STX6: variants seen among roughly 807,000 people sequenced by gnomAD.
STX6 encodes the protein syntaxin 6.
Under a neutral mutation model 38.0 loss-of-function variants are expected in STX6, and 23 were observed. The ratio of observed to expected loss-of-function variants is 0.60; its 90% CI spans 0.43 to 0.86. The LOEUF (loss-of-function observed/expected upper bound fraction) is 0.86, where lower values mean the gene tolerates loss of function less well. Ranked by LOEUF, STX6 falls within the 40% of genes least tolerant of loss-of-function variation. STX6 has a pLI of 0.00. For synonymous variants in STX6, 123 were observed against 107.5 expected, an observed-to-expected ratio of 1.14 and a Z score of -0.89; for missense variants, 274 against 312.9, an observed-to-expected ratio of 0.88 and a Z score of 0.94.
intron 1 of STX6, among the ~76,000 whole-genome samples, chr1:181,014,176 T>C (rs934525148): frequency 2.6e-5 from 4 of 152,086 alleles, no homozygotes; most frequent in African/African-American, 9.7e-5. Context: ...GGTGGGTGGA[T>C]CACCAGGTCA....
At chr1:181,002,335 G>A (rs1163257974) in intron 3 of STX6, among the ~76,000 whole-genome samples, 3 of 149,490 alleles carry the variant, frequency 2.0e-5, no homozygotes, top group African/African-American at 7.4e-5. Flanking sequence ...TTTTTTTTTT[G>A]TAGAGACAGG....
intron 2 of STX6, among the ~76,000 whole-genome samples, chr1:181,003,324 T>C (rs1425497943): frequency 6.6e-6 from 1 of 152,210 alleles, no homozygotes; most frequent in Non-Finnish European, 1.5e-5. Flanking sequence ...GTATAGTGTT[T>C]ATTAATCTAA....
At chr1:181,008,737 T>G (rs1656305133) in intron 1 of STX6, among the ~76,000 whole-genome samples, 1 of 150,842 alleles carries the variant, frequency 6.6e-6, no homozygotes, top group Admixed American at 6.6e-5. Flanking sequence ...GTTTTTTTTT[T>G]TTTTTTTTTT....
chr1:180,980,335 A>AC (rs55867243), intron 7 of STX6, among the ~76,000 whole-genome samples: 85,193 of 151,592 alleles, frequency 0.56, 24,280 homozygotes, highest in East Asian at 0.63. Context: ...AATGGTCAAA[A>AC]CCCCAAACAG....
intron 3 of STX6, among the ~76,000 whole-genome samples, chr1:180,993,836 T>C (rs1025718476): frequency 6.8e-6 from 1 of 148,110 alleles, no homozygotes; most frequent in Admixed American, 6.9e-5. Context: ...ATAAAGAACA[T>C]CCCTGGGGTA....
chr1:180,989,902 C>G (rs1190566246), intron 5 of STX6, 82 bp downstream of exon 5: 20 of 1,548,240 alleles, frequency 1.3e-5, no homozygotes, highest in Non-Finnish European at 1.8e-5. Flanking sequence ...CACTAAGCCA[C>G]AAGACCCCAT....
At chr1:181,016,827 C>T (rs188051905) in intron 1 of STX6, among the ~76,000 whole-genome samples, 56 of 152,328 alleles carry the variant, frequency 3.7e-4, no homozygotes, top group Middle Eastern at 6.8e-3. Context: ...TGGCTCATGC[C>T]TGTAATCCAA....
chr1:181,001,863 T>C (rs1171724836), intron 3 of STX6, among the ~76,000 whole-genome samples: 1 of 152,230 alleles, frequency 6.6e-6, no homozygotes, highest in African/African-American at 2.4e-5. Context: ...AGCAGATTAC[T>C]GTCTCATTTT....
intron 4 of STX6, among the ~76,000 whole-genome samples, chr1:180,991,908 G>A (rs535037860): frequency 3.6e-4 from 45 of 124,820 alleles, no homozygotes; most frequent in African/African-American, 1.2e-3. Flanking sequence ...ATACATACAT[G>A]TATATATACT....
chr1:181,022,529 C>CTCCACTGTTCCCCG (rs1656769035), intron 1 of STX6, 110 bp downstream of exon 1: 1 of 1,128,638 alleles, frequency 8.9e-7, no homozygotes, highest in East Asian at 2.6e-5. Context: ...ACTGTTCCCC[C>CTCCACTGTTCCCCG]TCCCCAGCTC....
At position 180,973,512 on chromosome 1, in the gene STX6, G is replaced by A. The variant is rs1477079176; in HGVS notation, c.*3058C>T. 3.3e-5 allele frequency: 5 copies of A among 152,658 alleles called. No individual in the cohort carries two copies. The highest frequency in any genetic ancestry group is 1.3e-4 in the Admixed American group (2 of 15,290). 9.5% of individuals were successfully genotyped at this position (152,658 alleles called of 1,614,324 possible). On this transcript the variant is annotated 3_prime_UTR_variant, in exon 8 of 8. Coordinates refer to ENST00000258301, the MANE Select transcript of STX6 (RefSeq NM_005819.6). ...CCTTAATCTCACGAGGTGAGAAGGA[G>A]TGGAAGTTGCCAAGTTGTTGGCTAC...
chr1:180,997,138 T>C (rs932443070), intron 3 of STX6, among the ~76,000 whole-genome samples: 1 of 152,238 alleles, frequency 6.6e-6, no homozygotes, highest in Admixed American at 6.5e-5. Context: ...ATTTCTTCTG[T>C]ACATTTAGAA....
intron 3 of STX6, among the ~76,000 whole-genome samples, chr1:180,999,397 T>C (rs570001091): frequency 6.6e-6 from 1 of 152,278 alleles, no homozygotes; most frequent in African/African-American, 2.4e-5. Flanking sequence ...CACAAAAATT[T>C]CACATGTGGA....
intron 1 of STX6, among the ~76,000 whole-genome samples, chr1:181,021,085 A>G (rs1454239110): frequency 2.0e-5 from 3 of 152,198 alleles, no homozygotes; most frequent in Non-Finnish European, 4.4e-5. Flanking sequence ...TCAGTGAGCA[A>G]GCATTAGTAG....
chr1:181,002,323 T>C (rs1656104983), intron 3 of STX6, among the ~76,000 whole-genome samples: 1 of 151,978 alleles, frequency 6.6e-6, no homozygotes, highest in Non-Finnish European at 1.5e-5. Flanking sequence ...CTAATTTTTA[T>C]ATTTTTTTTT....
chr1:180,975,579 T>C lies in STX6; in HGVS notation c.*991A>G, dbSNP rs1655223545. The C allele has an allele frequency of 6.6e-6, 1 of 152,420 alleles. No homozygotes were observed. Among genetic ancestry groups the C allele is most frequent in the Non-Finnish European group, 1.5e-5 (1 of 68,040 alleles). 9.4% of individuals were successfully genotyped at this position (152,420 alleles called of 1,614,324 possible). ...TAACCTTTTATGTCATTACGTTTCT[T>C]AATAAATGTAATAAATGTACTAACC... On this transcript the variant is annotated 3_prime_UTR_variant, in exon 8 of 8. Coordinates refer to ENST00000258301, the MANE Select transcript of STX6 (RefSeq NM_005819.6).
At chr1:181,009,645 A>G (rs1163375754) in intron 1 of STX6, among the ~76,000 whole-genome samples, 4 of 152,218 alleles carry the variant, frequency 2.6e-5, no homozygotes, top group Non-Finnish European at 2.9e-5. Context: ...TGACAATGCA[A>G]CATGCTGGAA....
chr1:180,989,907 C>T lies in STX6; in HGVS notation c.489+77G>A, dbSNP rs1263758455. Reference sequence around the variant, plus strand: ...CCCTCCTTGTCACTAAGCCACAAGACCCCATGGCTGGCAAAGGAACTAAGG... The same window carrying T: ...CCCTCCTTGTCACTAAGCCACAAGATCCCATGGCTGGCAAAGGAACTAAGG... On this transcript the variant is annotated intron_variant, in intron 5 of 7. Transcript: ENST00000258301. 3 of 1,562,330 alleles carry T rather than the reference C, an allele frequency of 1.9e-6. No individual in the cohort carries two copies. In the African/African-American group the frequency reaches 4.1e-5, roughly 21 times the overall value.
At chr1:180,978,854 G>T (rs1655323954) in intron 7 of STX6, among the ~76,000 whole-genome samples, 1 of 152,086 alleles carries the variant, frequency 6.6e-6, no homozygotes, top group African/African-American at 2.4e-5. Context: ...TATGGTAAAG[G>T]TCTATTTACC....
Sources: allele counts gnomAD v4.1 joint callset (sites outside exome capture counted in the v4.1 genomes callset), GRCh38; gene constraint gnomAD v4.1.1; transcripts MANE v1.5; gene names NCBI Gene and HGNC (gene_info 2026-07-23, HGNC 2026-07-21).